Variants in PAPSS1 observed in about 807,000 individuals in gnomAD.
PAPSS1 encodes the protein bifunctional 3'-phosphoadenosine 5'-phosphosulfate synthase 1.
PAPSS1 carries 50 observed loss-of-function variants against 72.0 expected under a neutral mutation model. That is an observed-to-expected ratio of 0.69 (90% CI 0.55 to 0.88). The LOEUF (loss-of-function observed/expected upper bound fraction) is 0.88. PAPSS1 is among the 40% of genes least tolerant of loss of function. PAPSS1 has a pLI of 0.00. For missense variants in PAPSS1, 657 were observed against 782.2 expected (o/e 0.84, Z 1.91); for synonymous variants, 261 against 263.6 (o/e 0.99, Z 0.09).
intron 10 of PAPSS1, among the ~76,000 whole-genome samples, chr4:107,638,125 ATT>A (rs1392185168): frequency 1.3e-5 from 2 of 152,210 alleles, no homozygotes; most frequent in Non-Finnish European, 1.5e-5. Context: ...TAAAACTGAT[ATT>A]CTAAGTGTTT....
At chr4:107,675,920 C>T (rs543985716) in intron 5 of PAPSS1, among the ~76,000 whole-genome samples, 3 of 152,116 alleles carry the variant, frequency 2.0e-5, no homozygotes, top group Non-Finnish European at 2.9e-5. Flanking sequence ...ATAAACAGAA[C>T]CAAAGACAAA....
At chr4:107,686,363 T>A (rs1322537801) in intron 4 of PAPSS1, among the ~76,000 whole-genome samples, 1 of 152,226 alleles carries the variant, frequency 6.6e-6, no homozygotes, top group Non-Finnish European at 1.5e-5. Context: ...AGATTACTTA[T>A]AATACCTAGT....
At chr4:107,630,172 T>C (rs1267302448) in intron 11 of PAPSS1, among the ~76,000 whole-genome samples, 2 of 150,482 alleles carry the variant, frequency 1.3e-5, no homozygotes, top group Admixed American at 6.6e-5. Context: ...ACTGGTATCA[T>C]CACTCACAAA....
intron 10 of PAPSS1, among the ~76,000 whole-genome samples, chr4:107,633,411 T>TC: frequency 6.6e-6 from 1 of 152,216 alleles, no homozygotes; most frequent in Non-Finnish European, 1.5e-5. Flanking sequence ...CAACTGTTTT[T>TC]CCTAGAGTTA....
chr4:107,675,660 G>A (rs566065586), intron 5 of PAPSS1, among the ~76,000 whole-genome samples: 1 of 152,174 alleles, frequency 6.6e-6, no homozygotes, highest in Non-Finnish European at 1.5e-5. Flanking sequence ...TAGAAAAAGA[G>A]AGAATCCTCC....
At chr4:107,662,069 A>G (rs1727196576) in intron 5 of PAPSS1, among the ~76,000 whole-genome samples, 1 of 152,250 alleles carries the variant, frequency 6.6e-6, no homozygotes, top group Non-Finnish European at 1.5e-5. Flanking sequence ...AAAAATAAAT[A>G]AATAAACAAG....
rs6848903 is a variant in PAPSS1 at position 107,682,389 on chromosome 4, T to A, written c.551-256A>T. Among the ~76,000 whole-genome samples, 92,030 of 151,770 alleles carry A rather than the reference T, an allele frequency of 0.61. 28,584 individuals carry two copies. Among genetic ancestry groups the A allele is most frequent in the East Asian group, 0.89 (4,591 of 5,142 alleles). ...AAATGTGACACCAAATAGGCTGCAATAAGAATAATTGTTTATGGTTTGAGA... is the reference window on the plus strand; with the variant it reads ...AAATGTGACACCAAATAGGCTGCAAAAAGAATAATTGTTTATGGTTTGAGA... On this transcript the variant is annotated intron_variant, in intron 4 of 11. Transcript: ENST00000265174.
chr4:107,694,102 T>C, intron 2 of PAPSS1, 96 bp from the exon 3 acceptor site: 4 of 866,012 alleles, frequency 4.6e-6, no homozygotes, highest in South Asian at 1.7e-5. Context: ...AGTCTTGCTC[T>C]GCCACCCAGG....
Position 107,657,589 on chromosome 4 carries a change from G to A in PAPSS1, c.784-582C>T, listed in dbSNP as rs929286960. Among the ~76,000 whole-genome samples the A allele has an allele frequency of 9.5e-4, 144 of 152,166 alleles. 1 individual carries two copies. Among genetic ancestry groups the A allele is most frequent in the African/African-American group, 3.2e-3 (134 of 41,514 alleles). On this transcript the variant is annotated intron_variant, in intron 6 of 11. Transcript: ENST00000265174. Reference sequence around the variant, plus strand: ...ATACAAAAAATTAGCCAGATGTGGTGGCGCATTCCTGTAGTCCCAGCTACA... The same window carrying A: ...ATACAAAAAATTAGCCAGATGTGGTAGCGCATTCCTGTAGTCCCAGCTACA...
chr4:107,618,466 G>A (rs551060083), intron 11 of PAPSS1, among the ~76,000 whole-genome samples: 2 of 151,610 alleles, frequency 1.3e-5, no homozygotes, highest in Admixed American at 1.3e-4. Flanking sequence ...GGAGGAGGAT[G>A]AGTGCCAGGA....
chr4:107,705,380 A>G (rs1723315100), intron 1 of PAPSS1, among the ~76,000 whole-genome samples: 1 of 152,154 alleles, frequency 6.6e-6, no homozygotes, highest in African/African-American at 2.4e-5. Context: ...ACAAGATTTG[A>G]TAGTTCCAAA....
At chr4:107,626,844 A>G (rs1452983686) in intron 11 of PAPSS1, among the ~76,000 whole-genome samples, 2 of 152,184 alleles carry the variant, frequency 1.3e-5, no homozygotes, top group Non-Finnish European at 2.9e-5. Context: ...CAACTTAATT[A>G]TTTTTGAACA....
intron 3 of PAPSS1, among the ~76,000 whole-genome samples, chr4:107,689,074 T>C (rs531302078): frequency 6.6e-6 from 1 of 152,204 alleles, no homozygotes; most frequent in East Asian, 1.9e-4. Flanking sequence ...CAACCTCACT[T>C]CTCTTGTCTG....
intron 10 of PAPSS1, among the ~76,000 whole-genome samples, chr4:107,639,791 A>G (rs918984349): frequency 6.6e-6 from 1 of 152,296 alleles, no homozygotes; most frequent in East Asian, 1.9e-4. Context: ...TTTATATCCT[A>G]ACAGACACCC....
At chr4:107,678,790 G>A (rs977912126) in intron 5 of PAPSS1, among the ~76,000 whole-genome samples, 2 of 152,002 alleles carry the variant, frequency 1.3e-5, no homozygotes, top group African/African-American at 4.8e-5. Context: ...GTGGGGCACA[G>A]GCAAAAAAAC....
intron 1 of PAPSS1, among the ~76,000 whole-genome samples, chr4:107,710,170 A>G (rs1723449367): frequency 6.6e-6 from 1 of 152,166 alleles, no homozygotes; most frequent in Non-Finnish European, 1.5e-5. Flanking sequence ...TTCCACCTCT[A>G]AATTTCTATT....
intron 10 of PAPSS1, 131 bp downstream of exon 10, chr4:107,644,671 A>G: frequency 1.2e-6 from 1 of 835,116 alleles, no homozygotes; most frequent in Non-Finnish European, 1.7e-6. Context: ...CGAGCAGGAA[A>G]GAATGTCATG....
chr4:107,646,324 CACAT>C (rs1316450620), intron 9 of PAPSS1, among the ~76,000 whole-genome samples: 2 of 146,868 alleles, frequency 1.4e-5, no homozygotes, highest in African/African-American at 2.7e-5. Flanking sequence ...CACACACACA[CACAT>C]ACACACACAT....
chr4:107,687,975 CAA>C (rs11305780), intron 3 of PAPSS1, among the ~76,000 whole-genome samples: 16 of 127,148 alleles, frequency 1.3e-4, no homozygotes, highest in African/African-American at 3.6e-4. Context: ...CTTCATGTTT[CAA>C]AAAAAAAAAA....
Sources: gnomAD v4.1 joint callset for allele counts (sites outside exome capture counted in the v4.1 genomes callset) on GRCh38, gnomAD v4.1.1 for gene constraint, MANE v1.5 for transcripts, NCBI Gene and HGNC (gene_info 2026-07-23, HGNC 2026-07-21) for gene names.